Variants in DOCK8 observed in about 807,000 individuals in gnomAD.
DOCK8 encodes dedicator of cytokinesis 8.
DOCK8 carries 141 observed loss-of-function variants against 245.6 expected under a neutral mutation model. The observed-to-expected ratio is 0.57, with a 90% CI of 0.50 to 0.66. The LOEUF (loss-of-function observed/expected upper bound fraction) is 0.66, where lower values mean the gene tolerates loss of function less well. Among genes scored for constraint, DOCK8 ranks in the 30% least tolerant of loss-of-function variants. DOCK8 has a pLI of 0.00. For synonymous variants in DOCK8, 1,168 were observed against 970.2 expected (o/e 1.20, Z -3.79); for missense variants, 2,965 against 2,603.4 (o/e 1.14, Z -3.02).
chr9:244,805 G>C (rs184977560), intron 1 of DOCK8, among the ~76,000 whole-genome samples: 4 of 151,992 alleles, frequency 2.6e-5, no homozygotes, highest in Admixed American at 2.6e-4. Context: ...ACCATAGCTC[G>C]TGAAGGCCCT....
At chr9:237,310 C>G (rs2047275843) in intron 1 of DOCK8, among the ~76,000 whole-genome samples, 1 of 152,212 alleles carries the variant, frequency 6.6e-6, no homozygotes. Flanking sequence ...TGCCATTGTC[C>G]TATCAGCCAG....
chr9:387,186 G>A (rs923580831), intron 23 of DOCK8, among the ~76,000 whole-genome samples: 5 of 152,192 alleles, frequency 3.3e-5, no homozygotes, highest in South Asian at 2.1e-4. Context: ...GTTCATACCT[G>A]TATTCCCAGC....
intron 18 of DOCK8, among the ~76,000 whole-genome samples, chr9:372,529 C>T (rs2053339073): frequency 6.6e-6 from 1 of 152,316 alleles, no homozygotes; most frequent in South Asian, 2.1e-4. Flanking sequence ...TTATCTACCA[C>T]AGAGGGATTC....
At chr9:329,756 C>G (rs1449798313) in intron 9 of DOCK8, among the ~76,000 whole-genome samples, 3 of 152,202 alleles carry the variant, frequency 2.0e-5, no homozygotes, top group African/African-American at 4.8e-5. Context: ...ATGACTTTCT[C>G]TTGATTAATC....
At chr9:382,094 A>C (rs748582027) in intron 21 of DOCK8, among the ~76,000 whole-genome samples, 1 of 152,252 alleles carries the variant, frequency 6.6e-6, no homozygotes, top group South Asian at 2.1e-4. Context: ...AGATGACTCT[A>C]TGGATTTTTG....
intron 26 of DOCK8, among the ~76,000 whole-genome samples, chr9:403,856 G>GTA (rs1260458420): frequency 3.5e-5 from 3 of 84,914 alleles, no homozygotes; most frequent in African/African-American, 1.3e-4. Flanking sequence ...GCAAGACTCT[G>GTA]TATCTCTCTC....
chr9:446,754 A>T, intron 44 of DOCK8, 148 bp downstream of exon 44: 1 of 730,290 alleles, frequency 1.4e-6, no homozygotes, highest in Non-Finnish European at 2.4e-6. Context: ...TTTCACTCTC[A>T]TAGTGCCAGA....
chr9:346,192 C>G (rs148494078), intron 14 of DOCK8, among the ~76,000 whole-genome samples: 2 of 152,014 alleles, frequency 1.3e-5, no homozygotes, highest in Admixed American at 6.5e-5. Flanking sequence ...AAGGATTATC[C>G]GAATCCAAGC....
intron 26 of DOCK8, among the ~76,000 whole-genome samples, chr9:400,011 C>T (rs1156947874): frequency 1.0e-4 from 10 of 98,460 alleles, no homozygotes; most frequent in East Asian, 1.0e-3. Flanking sequence ...CCACCTCCAC[C>T]ATCACCACCA....
intron 46 of DOCK8, chr9:458,520 G>C (rs1327992413): frequency 1.3e-5 from 2 of 152,228 alleles, no homozygotes; most frequent in African/African-American, 4.8e-5. Context: ...GCTGAAAAAG[G>C]GGGGCCAAGG....
intron 1 of DOCK8, among the ~76,000 whole-genome samples, chr9:271,285 A>C (rs2048158718): frequency 6.6e-6 from 1 of 152,218 alleles, no homozygotes; most frequent in Non-Finnish European, 1.5e-5. Flanking sequence ...CAGATACCAG[A>C]CATCCTCACA....
chr9:399,398 G>A (rs932603744), intron 26 of DOCK8, 139 bp downstream of exon 26: 78 of 708,810 alleles, frequency 1.1e-4, no homozygotes, highest in African/African-American at 3.5e-4. Context: ...TTTGCAGCAC[G>A]TCCCTCATGT....
chr9:327,206 A>C (rs762440225), intron 8 of DOCK8, among the ~76,000 whole-genome samples: 3 of 151,534 alleles, frequency 2.0e-5, no homozygotes, highest in Non-Finnish European at 4.4e-5. Flanking sequence ...ATCACCTTCC[A>C]CCCCTGCCTA....
chr9:244,666 A>G (rs1231591819), intron 1 of DOCK8, among the ~76,000 whole-genome samples: 1 of 152,210 alleles, frequency 6.6e-6, no homozygotes, highest in African/African-American at 2.4e-5. Context: ...AAAAGAATTA[A>G]TAAATGAATG....
chr9:420,261 C>A, intron 30 of DOCK8, 140 bp from the exon 31 acceptor site: 2 of 945,088 alleles, frequency 2.1e-6, no homozygotes, highest in East Asian at 2.6e-5. Flanking sequence ...GGCAATAGAT[C>A]TCCAGCCTAG....
chr9:278,495 C>T (rs182908239), intron 2 of DOCK8, among the ~76,000 whole-genome samples: 2 of 152,200 alleles, frequency 1.3e-5, no homozygotes, highest in Non-Finnish European at 2.9e-5. Context: ...TAGAGTTTGC[C>T]TTTCAGAATG....
rs569482554 is a variant in DOCK8 at position 402,186 on chromosome 9, T to C, written c.3235-2732T>C. Among the ~76,000 whole-genome samples the C allele has an allele frequency of 3.3e-5, 5 of 152,344 alleles. No homozygotes were observed. In the East Asian group the frequency reaches 7.7e-4, roughly 23 times the overall value. ...ATATCTGCCTTCCCTGCAAAACTCA[T>C]GTTTTTATTTTCTCTTTCTCTTTCC... On this transcript the variant is annotated intron_variant, in intron 26 of 47. Coordinates refer to ENST00000432829, the MANE Select transcript of DOCK8 (RefSeq NM_203447.4).
intron 1 of DOCK8, among the ~76,000 whole-genome samples, chr9:241,776 G>T (rs1488040940): frequency 6.6e-6 from 1 of 152,046 alleles, no homozygotes; most frequent in Admixed American, 6.6e-5. Context: ...GTTCTAATTA[G>T]CAAATTCTAT....
chr9:456,516 G>C (rs1442308095), intron 46 of DOCK8: 6 of 152,144 alleles, frequency 3.9e-5, no homozygotes, highest in Non-Finnish European at 2.9e-5. Flanking sequence ...GGAAACATTT[G>C]CTTGCCAGGT....
Sources: allele counts gnomAD v4.1 joint callset (sites outside exome capture counted in the v4.1 genomes callset), GRCh38; gene constraint gnomAD v4.1.1; transcripts MANE v1.5; gene names NCBI Gene and HGNC (gene_info 2026-07-23, HGNC 2026-07-21).